STK4: variants seen among roughly 807,000 people sequenced by gnomAD.
STK4 encodes serine/threonine kinase 4.
A neutral mutation model predicts 64.9 loss-of-function variants in STK4; 30 were observed. The observed-to-expected ratio is 0.46, with a 90% CI of 0.35 to 0.63. STK4 has a LOEUF of 0.63. Among genes scored for constraint, STK4 ranks in the 20% least tolerant of loss-of-function variants. The probability of loss-of-function intolerance (pLI) is 0.01; values close to 1 mark genes in which losing one functional copy is unlikely to be tolerated. For synonymous variants in STK4, 177 were observed against 199.0 expected (o/e 0.89, Z 0.93); for missense variants, 466 against 598.5 (o/e 0.78, Z 2.31).
At chr20:44,975,438 C>A in intron 2 of STK4, 1 of 916,422 alleles carries the variant, frequency 1.1e-6, no homozygotes, top group Non-Finnish European at 1.3e-6. Flanking sequence ...GTCAAGATTG[C>A]TGAGTGAGTG....
At chr20:44,982,008 CTT>C in intron 4 of STK4, 65 bp downstream of exon 4, 1 of 1,084,580 alleles carries the variant, frequency 9.2e-7, no homozygotes, top group South Asian at 1.3e-5. Flanking sequence ...TTCTCTGCCT[CTT>C]TTTCAGGGCA....
chr20:45,004,491 GC>G, intron 9 of STK4: 1 of 151,286 alleles, frequency 6.6e-6, no homozygotes, highest in South Asian at 2.1e-4. Context: ...TTTAAGAAAT[GC>G]CTGTTCATGT....
intron 5 of STK4, among the ~76,000 whole-genome samples, chr20:44,988,533 G>GTGTGTGTGTATATATATATATATA (rs1221720136): frequency 5.9e-5 from 6 of 101,578 alleles, no homozygotes; most frequent in South Asian, 3.4e-4. Flanking sequence ...ATGTGTGTGT[G>GTGTGTGTGTATATATATATATATA]TATATATATA....
intron 9 of STK4, among the ~76,000 whole-genome samples, chr20:45,007,000 T>A (rs760858016): frequency 7.2e-5 from 11 of 152,204 alleles, no homozygotes; most frequent in Non-Finnish European, 1.6e-4. Context: ...GCTTTTGGCA[T>A]CTGGAAGTTT....
At chr20:45,053,241 C>A in intron 10 of STK4, 1 of 1,408,146 alleles carries the variant, frequency 7.1e-7, no homozygotes, top group Non-Finnish European at 9.9e-7. Flanking sequence ...GTGGATCGTG[C>A]TAGCTGATTT....
At chr20:44,973,215 C>A (rs1029336505) in intron 2 of STK4, 1 of 152,088 alleles carries the variant, frequency 6.6e-6, no homozygotes, top group Non-Finnish European at 1.5e-5. Flanking sequence ...AGATTTACAA[C>A]GTTAAACCCA....
intron 4 of STK4, among the ~76,000 whole-genome samples, chr20:44,985,405 A>C (rs1224287736): frequency 6.6e-6 from 1 of 152,088 alleles, no homozygotes; most frequent in Non-Finnish European, 1.5e-5. Flanking sequence ...TGGAGTGCAC[A>C]CAATCTCAGC....
intron 5 of STK4, among the ~76,000 whole-genome samples, chr20:44,994,446 T>A (rs981690005): frequency 2.0e-5 from 3 of 151,892 alleles, no homozygotes; most frequent in Non-Finnish European, 4.4e-5. Context: ...CTTTGTAATG[T>A]ATGTTGTGCA....
At chr20:45,000,639 A>G (rs901402213) in intron 8 of STK4, 119 bp downstream of exon 8, 5 of 1,423,796 alleles carry the variant, frequency 3.5e-6, no homozygotes, top group African/African-American at 2.8e-5. Context: ...TGCTTCCAGC[A>G]TAACTATGTC....
intron 10 of STK4, among the ~76,000 whole-genome samples, chr20:45,059,082 C>G (rs1454184214): frequency 6.6e-6 from 1 of 152,158 alleles, no homozygotes; most frequent in Non-Finnish European, 1.5e-5. Context: ...AGTACTGAAC[C>G]CCATTGCCAT....
chr20:44,988,567 A>ATATATATG (rs1555808412), intron 5 of STK4, among the ~76,000 whole-genome samples: 12 of 142,320 alleles, frequency 8.4e-5, no homozygotes, highest in African/African-American at 2.7e-4. Flanking sequence ...ATATATATAT[A>ATATATATG]TGTATCCATT....
chr20:45,064,957 A>T (rs1244483582), intron 10 of STK4, among the ~76,000 whole-genome samples: 1 of 152,044 alleles, frequency 6.6e-6, no homozygotes, highest in Middle Eastern at 3.2e-3. Context: ...CTCTTGTCTC[A>T]TTGCTCTGGG....
At chr20:45,043,231 C>T (rs1406364734) in intron 10 of STK4, among the ~76,000 whole-genome samples, 1 of 152,186 alleles carries the variant, frequency 6.6e-6, no homozygotes, top group Non-Finnish European at 1.5e-5. Context: ...ATATATACCA[C>T]ATGTTCTTTA....
At chr20:45,049,229 C>G (rs949037359) in intron 10 of STK4, among the ~76,000 whole-genome samples, 2 of 152,158 alleles carry the variant, frequency 1.3e-5, no homozygotes. Flanking sequence ...TATAGACCCA[C>G]TAGTCACTTC....
intron 9 of STK4, among the ~76,000 whole-genome samples, chr20:45,017,045 A>G (rs1406218179): frequency 6.6e-6 from 1 of 152,218 alleles, no homozygotes; most frequent in East Asian, 1.9e-4. Context: ...TCAAATGTTT[A>G]TGCTCTATAA....
chr20:45,022,318 G>C (rs1279797456), intron 9 of STK4, among the ~76,000 whole-genome samples: 1 of 152,028 alleles, frequency 6.6e-6, no homozygotes, highest in Non-Finnish European at 1.5e-5. Context: ...TAAATGTCAG[G>C]TATAATCAGG....
At chr20:45,054,875 A>G (rs1004668619) in intron 10 of STK4, among the ~76,000 whole-genome samples, 3 of 152,236 alleles carry the variant, frequency 2.0e-5, no homozygotes, top group Non-Finnish European at 2.9e-5. Flanking sequence ...TCACTGTCCA[A>G]CAAGGTCCCT....
chr20:45,035,590 T>G (rs530277860), intron 10 of STK4, among the ~76,000 whole-genome samples: 29 of 152,300 alleles, frequency 1.9e-4, no homozygotes, highest in Non-Finnish European at 2.9e-4. Flanking sequence ...ATTAATTCAA[T>G]CTATATTTAT....
chr20:44,997,163 A>G lies in STK4; in HGVS notation c.694-6A>G. On this transcript the variant is annotated splice_polypyrimidine_tract_variant and splice_region_variant and intron_variant, in intron 6 of 10. Coordinates refer to ENST00000372806, the MANE Select transcript of STK4 (RefSeq NM_006282.5). ...ATCTTTTTGTTTGTTTGTTTGTTCTAACCAGGCAATCTTCATGATTCCTAC... is the reference window on the plus strand; with the variant it reads ...ATCTTTTTGTTTGTTTGTTTGTTCTGACCAGGCAATCTTCATGATTCCTAC... 6.2e-7 allele frequency: 1 copy of G among 1,613,608 alleles called. No individual in the cohort carries two copies.
Sources: gnomAD v4.1 joint callset for allele counts (sites outside exome capture counted in the v4.1 genomes callset) on GRCh38, gnomAD v4.1.1 for gene constraint, MANE v1.5 for transcripts, NCBI Gene and HGNC (gene_info 2026-07-23, HGNC 2026-07-21) for gene names.